Variants in KCNS2 observed in about 807,000 individuals in gnomAD.
The protein encoded by KCNS2 is potassium voltage-gated channel modifier subfamily S member 2.
A neutral mutation model predicts 28.3 loss-of-function variants in KCNS2; 15 were observed. That is an observed-to-expected ratio of 0.53 (90% CI 0.35 to 0.82). KCNS2 has a LOEUF of 0.82. KCNS2 is among the 40% of genes least tolerant of loss of function. The probability of loss-of-function intolerance (pLI) is 0.01; values close to 1 mark genes in which losing one functional copy is unlikely to be tolerated. For synonymous variants in KCNS2, 254 were observed against 256.7 expected, an observed-to-expected ratio of 0.99 and a Z score of 0.10; for missense variants, 501 against 617.1, an observed-to-expected ratio of 0.81 and a Z score of 1.99.
In KCNS2 at chr8:98,429,496, G is replaced by T; in HGVS notation, c.*83G>T. The T allele has an allele frequency of 1.0e-6, 1 of 979,844 alleles. No homozygotes were observed. Among genetic ancestry groups the T allele is most frequent in the Non-Finnish European group, 1.6e-6 (1 of 644,384 alleles). 60.7% of individuals were successfully genotyped at this position (979,844 alleles called of 1,614,324 possible). ...CACAGCCCAGGCACCTTATGGTTAT[G>T]GTGTAAGGAGTATGCCCAGCCCCTG... is the stretch of plus-strand genomic sequence containing the variant. On this transcript the variant is annotated 3_prime_UTR_variant, in exon 2 of 2. Coordinates refer to ENST00000287042, the MANE Select transcript of KCNS2 (RefSeq NM_020697.4).
chr8:98,430,219 C>A lies in KCNS2; in HGVS notation c.*806C>A, dbSNP rs1033575177. ...TAAAGCCAAGTTAGTGCAGGCTGAG[C>A]CCCTTGGTTCACAGTCAAGCCTCCT... On this transcript the variant is annotated 3_prime_UTR_variant, in exon 2 of 2. Coordinates refer to ENST00000287042, the MANE Select transcript of KCNS2 (RefSeq NM_020697.4). 1.8e-5 allele frequency: 3 copies of A among 167,060 alleles called. No individual in the cohort carries two copies. Among genetic ancestry groups the A allele is most frequent in the Non-Finnish European group, 4.4e-5 (3 of 68,106 alleles). The allele number at this position is 167,060 out of a possible 1,614,324, so 10.3% of individuals were successfully genotyped here.
Position 98,427,998 on chromosome 8 carries a change from T to C in KCNS2, c.19T>C (p.Trp7Arg), listed in dbSNP as rs199762721. Reference sequence around the variant, plus strand: ...CTCCAGCATGACCGGCCAGAGCCTGTGGGACGTGTCGGAGGCTAACGTCGA... The same window carrying C: ...CTCCAGCATGACCGGCCAGAGCCTGCGGGACGTGTCGGAGGCTAACGTCGA... MTGQSL[W>R]DVSEANVEDG... The change falls in exon 2 of 2, where the codon TGG becomes CGG. Residue 7 changes from tryptophan (W) to arginine (R), a missense_variant. Trp to Arg is a moderately radical substitution (Grantham distance 101). Coordinates refer to ENST00000287042, the MANE Select transcript of KCNS2 (RefSeq NM_020697.4). The C allele has an allele frequency of 6.2e-5, 97 of 1,569,470 alleles. No individual in the cohort carries two copies. Among genetic ancestry groups the C allele is most frequent in the Non-Finnish European group, 8.0e-5 (92 of 1,155,868 alleles).
At position 98,432,748 on chromosome 8, in the gene KCNS2, T is replaced by C. The variant is rs1198436954; in HGVS notation, c.*3335T>C. On this transcript the variant is annotated 3_prime_UTR_variant, in exon 2 of 2. Coordinates refer to ENST00000287042, the MANE Select transcript of KCNS2 (RefSeq NM_020697.4). ...TGTGTGTTTTAACAGCATGACTTCTTACAGAGCTGTAATTTTTAAAATTGA... is the reference window on the plus strand; with the variant it reads ...TGTGTGTTTTAACAGCATGACTTCTCACAGAGCTGTAATTTTTAAAATTGA... 4 of 167,102 alleles carry C rather than the reference T, an allele frequency of 2.4e-5. No individual in the cohort carries two copies. Among genetic ancestry groups the C allele is most frequent in the African/African-American group, 9.6e-5 (4 of 41,462 alleles). The allele number at this position is 167,102 out of a possible 1,614,324, so 10.4% of individuals were successfully genotyped here. A position where few individuals can be genotyped will look rare whatever the true frequency, so the allele number is the denominator to read the frequency against.
At position 98,431,924 on chromosome 8, in the gene KCNS2, A is replaced by G. The variant is rs1157942940; in HGVS notation, c.*2511A>G. ...CACTTCTGAGCATGAGAATGTCCCAATAGCATTGAGTTTTTCAAGTGGTGG... is the reference window on the plus strand; with the variant it reads ...CACTTCTGAGCATGAGAATGTCCCAGTAGCATTGAGTTTTTCAAGTGGTGG... On this transcript the variant is annotated 3_prime_UTR_variant, in exon 2 of 2. Coordinates refer to ENST00000287042, the MANE Select transcript of KCNS2 (RefSeq NM_020697.4). The G allele has an allele frequency of 1.2e-5, 2 of 167,088 alleles. No homozygotes were observed. The highest frequency in any genetic ancestry group is 2.9e-5 in the Non-Finnish European group (2 of 68,120). The allele number at this position is 167,088 out of a possible 1,614,324, so 10.4% of individuals were successfully genotyped here.
rs916754698 is a variant in KCNS2, at chr8:98,429,578, T to C, written c.*165T>C. 5.1e-6 allele frequency: 3 copies of C among 592,688 alleles called. No homozygotes were observed. Among genetic ancestry groups the C allele is most frequent in the Admixed American group, 6.2e-5 (2 of 32,310 alleles). 36.7% of individuals were successfully genotyped at this position (592,688 alleles called of 1,614,324 possible). A position where few individuals can be genotyped will look rare whatever the true frequency, so the allele number is the denominator to read the frequency against. On this transcript the variant is annotated 3_prime_UTR_variant, in exon 2 of 2. Coordinates refer to ENST00000287042, the MANE Select transcript of KCNS2 (RefSeq NM_020697.4). The stretch of plus-strand genomic sequence containing the variant: ...TTTCTTTTACAGTTTTTAGAATCGT[T>C]TTTAGAGGGTGGTGTGTCTGACACC...
Position 98,429,202 on chromosome 8 carries a change from T to C in KCNS2, c.1223T>C (p.Leu408Ser), listed in dbSNP as rs753432079. The C allele has an allele frequency of 6.2e-7, 1 of 1,614,050 alleles. No homozygotes were observed. Among genetic ancestry groups the C allele is most frequent in the East Asian group, 2.2e-5 (1 of 44,884 alleles). The change falls in exon 2 of 2, where the codon TTG becomes TCG. Residue 408 changes from leucine (L) to serine (S), a missense_variant. By Grantham distance (145) the Leu-to-Ser change is moderately radical. Transcript: ENST00000287042. ...CTCGTGGTGGTCCTGCCCATCACCT[T>C]GATCTTCAATAAGTTCTCCCACTTT... is the stretch of plus-strand genomic sequence containing the variant. ...GILVVVLPIT[L>S]IFNKFSHFYR...
At chr8:98,427,903 G>A (rs1416674114) in intron 1 of KCNS2, 35 bp from the exon 2 acceptor site, 2 of 1,285,858 alleles carry the variant, frequency 1.6e-6, no homozygotes, top group African/African-American at 1.5e-5. Context: ...CAGGGCGCAC[G>A]GCGCTCTCGC....
At position 98,429,671 on chromosome 8, in the gene KCNS2, T is replaced by A. The variant is rs1047325421; in HGVS notation, c.*258T>A. ...GCATCGTGGGCATAAAATGTTCACC[T>A]TTTTGCCAGATGAGTACACCCAGAA... On this transcript the variant is annotated 3_prime_UTR_variant, in exon 2 of 2. Transcript: ENST00000287042. 8.3e-6 allele frequency: 4 copies of A among 479,966 alleles called. No homozygotes were observed. The highest frequency in any genetic ancestry group is 3.9e-5 in the African/African-American group (2 of 51,758). The allele number at this position is 479,966 out of a possible 1,614,324, so 29.7% of individuals were successfully genotyped here.
chr8:98,428,153 C>T lies in KCNS2; in HGVS notation c.174C>T (p.Leu58=). 2 of 1,614,082 alleles carry T rather than the reference C, an allele frequency of 1.2e-6. No individual in the cohort carries two copies. Among genetic ancestry groups the T allele is most frequent in the East Asian group, 2.2e-5 (1 of 44,856 alleles). ...LCHSREAILE[L]CDDYDDVQRE... is the part of the protein sequence containing the mutation. ...ACTCGCGCGAGGCCATTCTGGAGCT[C>T]TGCGATGACTACGACGACGTCCAGC... is the stretch of plus-strand genomic sequence containing the variant. Residue 58 remains leucine, a synonymous_variant, in exon 2 of 2, where the codon CTC becomes CTT. Coordinates refer to ENST00000287042, the MANE Select transcript of KCNS2 (RefSeq NM_020697.4). The surrounding 1 kb of genome is among the most constrained non-coding windows in gnomAD (Gnocchi z 6.7).
chr8:98,428,719 C>A lies in KCNS2; in HGVS notation c.740C>A (p.Ala247Asp). Residue 247 changes from alanine to aspartate, a missense_variant, in exon 2 of 2, where the codon GCT becomes GAT. By Grantham distance (126) the Ala-to-Asp change is moderately radical. Transcript: ENST00000287042. This position sits in a 1 kb window ranked among gnomAD's most constrained non-coding sequence, Gnocchi z 6.7. ...ACATTTGAGCTGGTGGCCAGGTTTG[C>A]TGTGGCCCCTGACTTCCTCAAGTTC... is the stretch of plus-strand genomic sequence containing the variant. ...WFTFELVARF[A>D]VAPDFLKFFK... is the part of the protein sequence containing the mutation. 6.2e-7 allele frequency: 1 copy of A among 1,614,228 alleles called. No individual in the cohort carries two copies. Among genetic ancestry groups the A allele is most frequent in the Admixed American group, 1.7e-5 (1 of 60,034 alleles).
At chr8:98,427,768 AC>A (rs1191392127) in intron 1 of KCNS2, 169 bp from the exon 2 acceptor site, 4 of 530,036 alleles carry the variant, frequency 7.5e-6, no homozygotes, top group Non-Finnish European at 1.3e-5. Context: ...AAACATACCC[AC>A]CCCCAGCCTT....
Position 98,429,206 on chromosome 8 carries a change from CT to C in KCNS2, c.1229del (p.Phe410SerfsTer27). ...LVVVLPITLI[F>X]NKFSHFYRRQ... ...TGGTGGTCCTGCCCATCACCTTGAT[CT>C]TCAATAAGTTCTCCCACTTTTACCG... is the stretch of plus-strand genomic sequence containing the variant. On this transcript the variant is annotated frameshift_variant, in exon 2 of 2. Coordinates refer to ENST00000287042, the MANE Select transcript of KCNS2 (RefSeq NM_020697.4). LOFTEE classifies it high-confidence loss of function. 6.2e-7 allele frequency: 1 copy of C among 1,614,052 alleles called. No homozygotes were observed. Among genetic ancestry groups the C allele is most frequent in the Non-Finnish European group, 8.5e-7 (1 of 1,180,024 alleles).
In KCNS2 at chr8:98,428,221, T is replaced by C. The variant is rs756745133; in HGVS notation, c.242T>C (p.Val81Ala). Residue 81 changes from valine to alanine, a missense_variant, in exon 2 of 2, where the codon GTG becomes GCG. By Grantham distance (64) the Val-to-Ala change is moderately conservative. Transcript: ENST00000287042. The surrounding 1 kb of genome is among the most constrained non-coding windows in gnomAD (Gnocchi z 6.7). ...FDRNPELFPYVLHFYHTGKLH... is the reference protein window; with the variant it reads ...FDRNPELFPYALHFYHTGKLH... ...CGCAACCCTGAGCTCTTCCCCTACGTGCTGCATTTCTATCACACCGGCAAG... is the reference window on the plus strand; with the variant it reads ...CGCAACCCTGAGCTCTTCCCCTACGCGCTGCATTTCTATCACACCGGCAAG... 6.2e-7 allele frequency: 1 copy of C among 1,614,102 alleles called. No individual in the cohort carries two copies. Among genetic ancestry groups the C allele is most frequent in the Non-Finnish European group, 8.5e-7 (1 of 1,180,016 alleles).
At position 98,432,057 on chromosome 8, in the gene KCNS2, C is replaced by T. The variant is rs1818342139; in HGVS notation, c.*2644C>T. On this transcript the variant is annotated 3_prime_UTR_variant, in exon 2 of 2. Coordinates refer to ENST00000287042, the MANE Select transcript of KCNS2 (RefSeq NM_020697.4). Reference sequence around the variant, plus strand: ...ACCCAGGGAGAAATAATCTTCCTCTCCCCTAAAGTCTCACTAAGGTTTGAA... The same window carrying T: ...ACCCAGGGAGAAATAATCTTCCTCTTCCCTAAAGTCTCACTAAGGTTTGAA... 6.0e-6 allele frequency: 1 copy of T among 167,056 alleles called. No individual in the cohort carries two copies. Among genetic ancestry groups the T allele is most frequent in the African/African-American group, 2.4e-5 (1 of 41,444 alleles). 10.3% of individuals were successfully genotyped at this position (167,056 alleles called of 1,614,324 possible). A position where few individuals can be genotyped will look rare whatever the true frequency, so the allele number is the denominator to read the frequency against.
intron 1 of KCNS2, 112 bp from the exon 2 acceptor site, chr8:98,427,826 C>G: frequency 1.6e-6 from 1 of 626,240 alleles, no homozygotes; most frequent in South Asian, 2.0e-5. Flanking sequence ...CAGCCCAGCC[C>G]TTCAGCACCC....
Position 98,429,824 on chromosome 8 carries a change from C to T in KCNS2, c.*411C>T, listed in dbSNP as rs981142605. 1.9e-4 allele frequency: 34 copies of T among 179,430 alleles called. No individual in the cohort carries two copies. Among genetic ancestry groups the T allele is most frequent in the Non-Finnish European group, 1.3e-5 (1 of 76,510 alleles). The allele number at this position is 179,430 out of a possible 1,614,324, so 11.1% of individuals were successfully genotyped here. ...GTACAAAAAGCCCCCACAAGTCGTC[C>T]AGTAGAAATGCATCTATGAGGTCAG... On this transcript the variant is annotated 3_prime_UTR_variant, in exon 2 of 2. Transcript: ENST00000287042.
Position 98,428,708 on chromosome 8 carries a change from G to C in KCNS2, c.729G>C (p.Val243=). The change falls in exon 2 of 2, where the codon GTG becomes GTC. Residue 243 remains valine, a synonymous_variant. Coordinates refer to ENST00000287042, the MANE Select transcript of KCNS2 (RefSeq NM_020697.4). The surrounding 1 kb of genome is among the most constrained non-coding windows in gnomAD (Gnocchi z 6.7). Reference sequence around the variant, plus strand: ...TTGCCTGGTTCACATTTGAGCTGGTGGCCAGGTTTGCTGTGGCCCCTGACT... The same window carrying C: ...TTGCCTGGTTCACATTTGAGCTGGTCGCCAGGTTTGCTGTGGCCCCTGACT... ...FGIAWFTFEL[V]ARFAVAPDFL... 1 of 1,614,220 alleles carries C rather than the reference G, an allele frequency of 6.2e-7. No individual in the cohort carries two copies. The highest frequency in any genetic ancestry group is 8.5e-7 in the Non-Finnish European group (1 of 1,180,038).
In KCNS2 at chr8:98,430,297, T is replaced by G. The variant is rs748569263; in HGVS notation, c.*884T>G. ...GTATTTCCGGATGAGGTTTCTGATCTAGGCCATTTGACCAAACTTTGCTGT... is the reference window on the plus strand; with the variant it reads ...GTATTTCCGGATGAGGTTTCTGATCGAGGCCATTTGACCAAACTTTGCTGT... On this transcript the variant is annotated 3_prime_UTR_variant, in exon 2 of 2. Coordinates refer to ENST00000287042, the MANE Select transcript of KCNS2 (RefSeq NM_020697.4). The G allele has an allele frequency of 6.0e-6, 1 of 167,096 alleles. No individual in the cohort carries two copies. Among genetic ancestry groups the G allele is most frequent in the Non-Finnish European group, 1.5e-5 (1 of 68,118 alleles). 10.4% of individuals were successfully genotyped at this position (167,096 alleles called of 1,614,324 possible). A position where few individuals can be genotyped will look rare whatever the true frequency, so the allele number is the denominator to read the frequency against.
In KCNS2 at chr8:98,428,311, A is replaced by G; in HGVS notation, c.332A>G (p.Asn111Ser). Reference protein sequence around the residue: ...FSQEIEYWGINEFFIDSCCSY... With the variant: ...FSQEIEYWGISEFFIDSCCSY... ...CAGGAGATCGAGTACTGGGGCATCA[A>G]CGAGTTCTTCATTGACTCCTGCTGC... is the stretch of plus-strand genomic sequence containing the variant. The change falls in exon 2 of 2, where the codon AAC becomes AGC. Residue 111 changes from asparagine (N) to serine (S), a missense_variant. Physicochemically the swap from Asn to Ser is conservative, Grantham distance 46. Transcript: ENST00000287042. This position sits in a 1 kb window ranked among gnomAD's most constrained non-coding sequence, Gnocchi z 6.7. The G allele has an allele frequency of 6.2e-7, 1 of 1,614,106 alleles. No homozygotes were observed. The highest frequency in any genetic ancestry group is 8.5e-7 in the Non-Finnish European group (1 of 1,180,020).
Sources: gnomAD v4.1 joint callset for allele counts on GRCh38, gnomAD v4.1.1 for gene constraint, Gnocchi (gnomAD v3.1) non-coding constraint, MANE v1.5 for transcripts, NCBI Gene and HGNC (gene_info 2026-07-23, HGNC 2026-07-21) for gene names.